The following ZNF705B variants were observed in gnomAD, a reference collection of about 807,000 sequenced individuals.
ZNF705B encodes the protein zinc finger protein 705B.
ZNF705B carries 1 observed loss-of-function variant against 10.5 expected under a neutral mutation model. The observed-to-expected ratio is 0.10, with a 90% confidence interval of 0.03 to 0.45. The LOEUF is 0.45. Among genes scored for constraint, ZNF705B ranks in the 20% least tolerant of loss-of-function variants. ZNF705B has a pLI of 0.97. For synonymous variants in ZNF705B, 4 were observed against 25.4 expected (o/e 0.16, Z 2.53); for missense variants, 14 against 84.0 (o/e 0.17, Z 3.26).
At chr8:7,940,590 C>A (rs556605237) in intron 2 of ZNF705B, among the ~76,000 whole-genome samples, 11 of 132,334 alleles carry the variant, frequency 8.3e-5, no homozygotes, top group Admixed American at 7.3e-4. Context: ...CCACATCTAC[C>A]CATTTCCCCA....
At chr8:7,944,408 C>G (rs1289252655) in intron 2 of ZNF705B, among the ~76,000 whole-genome samples, 2 of 82,206 alleles carry the variant, frequency 2.4e-5, no homozygotes, top group African/African-American at 7.4e-5. Flanking sequence ...TAGCACTTTT[C>G]GAGACTGCAG....
intron 2 of ZNF705B, among the ~76,000 whole-genome samples, chr8:7,940,955 G>T (rs1479047107): frequency 6.7e-6 from 1 of 148,428 alleles, no homozygotes; most frequent in African/African-American, 2.5e-5. Flanking sequence ...TTTTCTGTTC[G>T]TGGGTTAGTT....
At chr8:7,940,849 C>T (rs1820133556) in intron 2 of ZNF705B, among the ~76,000 whole-genome samples, 1 of 142,626 alleles carries the variant, frequency 7.0e-6, no homozygotes, top group East Asian at 2.1e-4. Context: ...CTCCACCTGC[C>T]TCCCAACAGG....
At chr8:7,938,281 TA>T in intron 2 of ZNF705B, among the ~76,000 whole-genome samples, 1 of 107,898 alleles carries the variant, frequency 9.3e-6, no homozygotes, top group Middle Eastern at 4.1e-3. Flanking sequence ...AAAGATTTCT[TA>T]GATTATAGTA....
intron 1 of ZNF705B, among the ~76,000 whole-genome samples, chr8:7,929,776 A>C (rs1430256587): frequency 8.3e-5 from 9 of 108,984 alleles, no homozygotes; most frequent in African/African-American, 2.1e-4. Flanking sequence ...TCACCACTAA[A>C]GGATGCTTTA....
chr8:7,940,195 G>T (rs1404678846), intron 2 of ZNF705B, among the ~76,000 whole-genome samples: 1 of 142,496 alleles, frequency 7.0e-6, no homozygotes, highest in South Asian at 2.3e-4. Flanking sequence ...AAAAAGCCAA[G>T]AGAAAAAAAC....
chr8:7,928,203 C>G (rs1819750445), intron 1 of ZNF705B, among the ~76,000 whole-genome samples: 1 of 110,026 alleles, frequency 9.1e-6, no homozygotes, highest in African/African-American at 2.7e-5. Context: ...AATCCCATCA[C>G]AAGGACTTCA....
chr8:7,932,559 G>A (rs1819879924), intron 2 of ZNF705B, among the ~76,000 whole-genome samples: 1 of 121,360 alleles, frequency 8.2e-6, no homozygotes, highest in Non-Finnish European at 2.0e-5. Flanking sequence ...GTTATATAGT[G>A]CAAAAATATA....
intron 1 of ZNF705B, among the ~76,000 whole-genome samples, chr8:7,929,290 C>G (rs1166006780): frequency 8.3e-6 from 1 of 121,032 alleles, no homozygotes; most frequent in Non-Finnish European, 2.0e-5. Flanking sequence ...AAATAGCTGC[C>G]CTTACATGGT....
At chr8:7,928,505 T>C (rs1819758239) in intron 1 of ZNF705B, among the ~76,000 whole-genome samples, 1 of 119,952 alleles carries the variant, frequency 8.3e-6, no homozygotes, top group African/African-American at 2.5e-5. Flanking sequence ...AAGCTCACAG[T>C]GTAGAGAAGG....
rs1243280524 is a variant in ZNF705B at position 7,937,333 on chromosome 8, C to T, written c.-72+6897C>T. 3.0e-4 allele frequency among the ~76,000 whole-genome samples: 33 copies of T among 110,826 alleles called. 2 individuals carry two copies. The highest frequency in any genetic ancestry group is 4.5e-3 in the Middle Eastern group (1 of 220). The allele number at this position is 110,826 out of a possible 152,430, so 72.7% of individuals were successfully genotyped here. A position where few individuals can be genotyped will look rare whatever the true frequency, so the allele number is the denominator to read the frequency against. Reference sequence around the variant, plus strand: ...TACCTAAGGACATCCAGAGGAGATGCCACCTTTCATTAGGGTGCATTCTTT... The same window carrying T: ...TACCTAAGGACATCCAGAGGAGATGTCACCTTTCATTAGGGTGCATTCTTT... On this transcript the variant is annotated intron_variant, in intron 2 of 6. Coordinates refer to ENST00000400120, the MANE Select transcript of ZNF705B (RefSeq NM_001193630.1).
Position 7,940,607 on chromosome 8 carries a change from G to A in ZNF705B, c.-71-6744G>A, listed in dbSNP as rs2739919. ...ACATCTACCCATTTCCCCAGCACCA[G>A]GGCCCCTGGCAACCACCATTCTACT... On this transcript the variant is annotated intron_variant, in intron 2 of 6. Transcript: ENST00000400120. Among the ~76,000 whole-genome samples, 5 of 127,786 alleles carry A rather than the reference G, an allele frequency of 3.9e-5. No homozygotes were observed. The East Asian group carries it at 1.1e-3, about 28-fold the overall frequency. The allele number at this position is 127,786 out of a possible 152,430, so 83.8% of individuals were successfully genotyped here.
intron 2 of ZNF705B, among the ~76,000 whole-genome samples, chr8:7,932,176 T>C (rs1161825954): frequency 8.2e-6 from 1 of 121,230 alleles, no homozygotes; most frequent in African/African-American, 2.5e-5. Flanking sequence ...TTGGCTAGGA[T>C]TGCAGTGTCC....
intron 1 of ZNF705B, among the ~76,000 whole-genome samples, chr8:7,926,774 C>T (rs1414606838): frequency 6.0e-5 from 7 of 116,850 alleles, no homozygotes; most frequent in African/African-American, 1.3e-4. Context: ...CTTTTATGCA[C>T]GACCCTGTTC....
Position 7,927,588 on chromosome 8 carries a change from A to ATT in ZNF705B, c.-222+1203_-222+1204dup, listed in dbSNP as rs11309300. ...TGGGTAGCAATTGACTCTTCCTAAG[A>ATT]TTTTTTTTTTTTTCCTGAGACAAAC... On this transcript the variant is annotated intron_variant, in intron 1 of 6. Coordinates refer to ENST00000400120, the MANE Select transcript of ZNF705B (RefSeq NM_001193630.1). Among the ~76,000 whole-genome samples the ATT allele has an allele frequency of 8.7e-4, 95 of 108,978 alleles. 2 individuals are homozygous for ATT. Among genetic ancestry groups the ATT allele is most frequent in the Middle Eastern group, 5.0e-3 (1 of 200 alleles). 71.5% of individuals were successfully genotyped at this position (108,978 alleles called of 152,430 possible).
At chr8:7,936,713 C>T (rs1820025320) in intron 2 of ZNF705B, among the ~76,000 whole-genome samples, 1 of 118,112 alleles carries the variant, frequency 8.5e-6, no homozygotes, top group Non-Finnish European at 2.0e-5. Flanking sequence ...GAGATTGGGT[C>T]TTACCAGGAG....
rs1416651355 is a variant in ZNF705B, at chr8:7,942,865, T to C, written c.-71-4486T>C. The stretch of plus-strand genomic sequence containing the variant: ...AGTTATATGCATGTCCATCTGAAGC[T>C]TTCTTTCCTTTTCCGGTGGAGTGTG... On this transcript the variant is annotated intron_variant, in intron 2 of 6. Transcript: ENST00000400120. Among the ~76,000 whole-genome samples the C allele has an allele frequency of 2.4e-4, 6 of 25,480 alleles. 2 individuals are homozygous for C. The Admixed American group carries it at 2.6e-3, about 11-fold the overall frequency. 16.7% of individuals were successfully genotyped at this position (25,480 alleles called of 152,430 possible).
At chr8:7,935,232 G>A (rs1383594247) in intron 2 of ZNF705B, among the ~76,000 whole-genome samples, 7 of 102,848 alleles carry the variant, frequency 6.8e-5, no homozygotes, top group African/African-American at 2.0e-4. Context: ...CATATCTCTG[G>A]AACTGGTCTT....
intron 2 of ZNF705B, among the ~76,000 whole-genome samples, chr8:7,940,350 C>T (rs1250125961): frequency 6.8e-6 from 1 of 147,326 alleles, no homozygotes; most frequent in Non-Finnish European, 1.5e-5. Flanking sequence ...TAAGTATACA[C>T]CATGAACACA....
Sources: gnomAD v4.1 joint callset for allele counts (sites outside exome capture counted in the v4.1 genomes callset) on GRCh38, gnomAD v4.1.1 for gene constraint, MANE v1.5 for transcripts, NCBI Gene and HGNC (gene_info 2026-07-23, HGNC 2026-07-21) for gene names.